Variants in TTC6 observed in about 807,000 individuals in gnomAD.
The protein encoded by TTC6 is tetratricopeptide repeat protein 6.
A neutral mutation model predicts 210.4 loss-of-function variants in TTC6; 172 were observed. The observed-to-expected ratio is 0.82, with a 90% CI of 0.72 to 0.93. The LOEUF (loss-of-function observed/expected upper bound fraction) is 0.93, where lower values mean the gene tolerates loss of function less well. Among genes scored for constraint, TTC6 ranks in the 40% least tolerant of loss-of-function variants. The pLI, the probability that TTC6 is intolerant of heterozygous loss-of-function variation, is 0.00. For missense variants in TTC6, 2,414 were observed against 2,318.1 expected (o/e 1.04, Z -0.85); for synonymous variants, 804 against 819.6 (o/e 0.98, Z 0.32).
chr14:37,624,628 ATTC>A (rs986685690), intron 1 of TTC6, among the ~76,000 whole-genome samples: 1 of 151,872 alleles, frequency 6.6e-6, no homozygotes, highest in Non-Finnish European at 1.5e-5. Flanking sequence ...CCTCTTGTGT[ATTC>A]TTTTTTTTTT....
intron 14 of TTC6, among the ~76,000 whole-genome samples, chr14:37,759,416 T>C (rs2139090696): frequency 6.6e-6 from 1 of 152,330 alleles, no homozygotes; most frequent in African/African-American, 2.4e-5. Context: ...TTGACCTTTC[T>C]CTTTGGCTGC....
chr14:37,600,811 G>A (rs1263117837), intron 1 of TTC6, among the ~76,000 whole-genome samples: 1 of 152,234 alleles, frequency 6.6e-6, no homozygotes, highest in Non-Finnish European at 1.5e-5. Flanking sequence ...TTGGGTGGCT[G>A]CTTCTGGGAC....
intron 3 of TTC6, among the ~76,000 whole-genome samples, chr14:37,696,201 A>T (rs957582673): frequency 6.6e-4 from 101 of 152,304 alleles, no homozygotes; most frequent in African/African-American, 2.3e-3. Flanking sequence ...TTTCCCAAGG[A>T]GGGCCTCCCT....
chr14:37,642,856 G>A (rs148130162), intron 1 of TTC6, among the ~76,000 whole-genome samples: 288 of 152,280 alleles, frequency 1.9e-3, no homozygotes, highest in Middle Eastern at 0.01. Flanking sequence ...ATAATAGAAA[G>A]TATTTGTGTA....
intron 1 of TTC6, among the ~76,000 whole-genome samples, chr14:37,624,122 AAAG>A (rs2095656150): frequency 1.3e-5 from 2 of 152,194 alleles, no homozygotes; most frequent in Non-Finnish European, 2.9e-5. Context: ...ATGTGACCAT[AAAG>A]GGAAGCAAAA....
exon 9 of TTC6, chr14:37,737,708 T>A (rs2095905521): frequency 8.5e-6 from 13 of 1,525,426 alleles, no homozygotes; most frequent in Admixed American, 2.0e-5. Flanking sequence ...CCAAAAATGG[T>A]TTAGTGCACA....
intron 15 of TTC6, among the ~76,000 whole-genome samples, chr14:37,788,537 G>T (rs547949260): frequency 4.6e-5 from 7 of 152,244 alleles, no homozygotes; most frequent in African/African-American, 1.7e-4. Context: ...TCTGTGTGTT[G>T]ACAGGAGTCT....
chr14:37,834,338 C>G (rs962724827), intron 29 of TTC6, among the ~76,000 whole-genome samples: 1 of 151,934 alleles, frequency 6.6e-6, no homozygotes, highest in Non-Finnish European at 1.5e-5. Context: ...TTGATGGTAT[C>G]CTATATATGA....
chr14:37,635,510 G>T (rs557632348), intron 1 of TTC6, among the ~76,000 whole-genome samples: 7 of 152,294 alleles, frequency 4.6e-5, no homozygotes, highest in Admixed American at 2.6e-4. Context: ...AGATTGGCAG[G>T]TGGTTTAAAA....
At chr14:37,625,902 G>A (rs2095659488) in intron 1 of TTC6, among the ~76,000 whole-genome samples, 1 of 152,168 alleles carries the variant, frequency 6.6e-6, no homozygotes, top group African/African-American at 2.4e-5. Context: ...GCTGTCAAAT[G>A]TCAGACATCT....
chr14:37,829,480 A>C (rs2096179825), intron 29 of TTC6, among the ~76,000 whole-genome samples: 1 of 152,024 alleles, frequency 6.6e-6, no homozygotes, highest in Non-Finnish European at 1.5e-5. Context: ...TCTACTATGA[A>C]CAACAATAAA....
At chr14:37,690,002 A>G (rs1441819224) in intron 3 of TTC6, among the ~76,000 whole-genome samples, 2 of 152,216 alleles carry the variant, frequency 1.3e-5, no homozygotes, top group Non-Finnish European at 2.9e-5. Context: ...AACTATAACA[A>G]GTTTTCAAGA....
At chr14:37,663,990 A>G (rs1254114682) in intron 1 of TTC6, among the ~76,000 whole-genome samples, 1 of 140,324 alleles carries the variant, frequency 7.1e-6, no homozygotes, top group African/African-American at 2.5e-5. Flanking sequence ...CCACTGCTCA[A>G]AGAAATCAGA....
chr14:37,682,184 A>G (rs2138556989), intron 2 of TTC6, among the ~76,000 whole-genome samples: 1 of 151,344 alleles, frequency 6.6e-6, no homozygotes, highest in East Asian at 2.0e-4. Context: ...GGCATAGCCT[A>G]TCCTGATGAC....
intron 1 of TTC6, among the ~76,000 whole-genome samples, chr14:37,634,622 T>C (rs1026474286): frequency 6.6e-6 from 1 of 152,132 alleles, no homozygotes; most frequent in African/African-American, 2.4e-5. Flanking sequence ...AACCTACATA[T>C]ATTCAAGAAG....
chr14:37,682,963 C>T (rs779721374), exon 3 of TTC6: 33 of 1,534,126 alleles, frequency 2.2e-5, no homozygotes, highest in African/African-American at 2.7e-5. Flanking sequence ...GTGTCTTTAA[C>T]GGTAAGAAAC....
intron 14 of TTC6, among the ~76,000 whole-genome samples, chr14:37,782,220 T>C (rs1042994681): frequency 2.6e-5 from 4 of 152,208 alleles, no homozygotes; most frequent in African/African-American, 9.6e-5. Context: ...CCTTTGGCAG[T>C]ATGACCATTT....
rs112840550 is a variant in TTC6 at position 37,633,764 on chromosome 14, A to G, written c.939+10761A>G. ...CTTCCCTCTGGTGTCAATGGAGGCC[A>G]TGTGGAGAACAGTAATGAGACACTC... On this transcript the variant is annotated intron_variant, in intron 1 of 30. Transcript: ENST00000553443. Among the ~76,000 whole-genome samples, 351 of 152,304 alleles carry G rather than the reference A, an allele frequency of 2.3e-3. 5 individuals are homozygous for G. Among genetic ancestry groups the G allele is most frequent in the African/African-American group, 8.0e-3 (332 of 41,572 alleles).
exon 9 of TTC6, chr14:37,737,698 C>A: frequency 6.6e-7 from 1 of 1,524,226 alleles, no homozygotes; most frequent in Non-Finnish European, 8.8e-7. Context: ...TTGAAAGTAT[C>A]CAAAAATGGT....
Sources: gnomAD v4.1 joint callset for allele counts (sites outside exome capture counted in the v4.1 genomes callset) on GRCh38, gnomAD v4.1.1 for gene constraint, MANE v1.5 for transcripts, NCBI Gene and HGNC (gene_info 2026-07-23, HGNC 2026-07-21) for gene names.